The following CDH13 variants were observed in gnomAD, a reference collection of about 807,000 sequenced individuals.
The protein encoded by CDH13 is cadherin 13, also known as cadherin-13.
In CDH13, 24 loss-of-function variants were observed where a neutral mutation model predicts 63.8. The observed-to-expected ratio is 0.38, with a 90% CI of 0.27 to 0.53. The LOEUF (loss-of-function observed/expected upper bound fraction) is 0.53, where lower values mean the gene tolerates loss of function less well. Among genes scored for constraint, CDH13 ranks in the 20% least tolerant of loss-of-function variants. The pLI is 0.85. For missense variants in CDH13, 1,049 were observed against 903.1 expected (o/e 1.16, Z -2.07); for synonymous variants, 503 against 355.3 (o/e 1.42, Z -4.67).
chr16:83,109,719 C>T (rs540340304), intron 3 of CDH13, among the ~76,000 whole-genome samples: 5 of 152,230 alleles, frequency 3.3e-5, no homozygotes, highest in South Asian at 2.1e-4. Context: ...ACCTGTAGAG[C>T]GCTGCAAGAT....
chr16:82,701,531 T>C (rs958085195), intron 1 of CDH13, among the ~76,000 whole-genome samples: 2 of 152,192 alleles, frequency 1.3e-5, no homozygotes, highest in African/African-American at 4.8e-5. Flanking sequence ...CTGGAGTTGA[T>C]TTAGCTTTCA....
intron 4 of CDH13, among the ~76,000 whole-genome samples, chr16:83,187,234 G>A (rs2038554382): frequency 6.6e-6 from 1 of 152,184 alleles, no homozygotes; most frequent in South Asian, 2.1e-4. Context: ...GCTTCCCAGA[G>A]TCTGGAATTA....
At chr16:83,018,144 C>G (rs955620201) in intron 2 of CDH13, among the ~76,000 whole-genome samples, 6 of 152,154 alleles carry the variant, frequency 3.9e-5, no homozygotes, top group African/African-American at 1.4e-4. Context: ...TAAACCTTTG[C>G]ACTATGGGTG....
At chr16:82,858,547 C>G in intron 2 of CDH13, 74 bp downstream of exon 2, 1 of 939,074 alleles carries the variant, frequency 1.1e-6, no homozygotes, top group Non-Finnish European at 1.7e-6. Flanking sequence ...GACTGTGTCT[C>G]AGGATGTGGT....
At chr16:83,310,529 C>A (rs1326547695) in intron 5 of CDH13, among the ~76,000 whole-genome samples, 1 of 152,182 alleles carries the variant, frequency 6.6e-6, no homozygotes, top group Non-Finnish European at 1.5e-5. Context: ...GGTCCACACT[C>A]CTTAGCTAAA....
chr16:82,851,047 G>T (rs1053483934), intron 1 of CDH13, among the ~76,000 whole-genome samples: 1 of 152,186 alleles, frequency 6.6e-6, no homozygotes, highest in Non-Finnish European at 1.5e-5. Context: ...AGGGATGCCT[G>T]TACATGCAGC....
chr16:83,178,220 C>T (rs1001337263), intron 4 of CDH13, among the ~76,000 whole-genome samples: 10 of 152,090 alleles, frequency 6.6e-5, no homozygotes, highest in Admixed American at 5.2e-4. Context: ...TGTGGGAGGC[C>T]GTCCTGTGCT....
rs559683202 is a variant in CDH13 at position 82,812,855 on chromosome 16, C to T, written c.46-45507C>T. 8.0e-5 allele frequency among the ~76,000 whole-genome samples: 11 copies of T among 138,292 alleles called. No homozygotes were observed. The East Asian group carries it at 2.3e-3, about 28-fold the overall frequency. 90.7% of individuals were successfully genotyped at this position (138,292 alleles called of 152,430 possible). On this transcript the variant is annotated intron_variant, in intron 1 of 13. Coordinates refer to ENST00000567109, the MANE Select transcript of CDH13 (RefSeq NM_001257.5). ...CCTTCCTTCCTCCCTTCTTTCCTCCCTTCTTTCCTGTAGGAGATACTTTCT... is the reference window on the plus strand; with the variant it reads ...CCTTCCTTCCTCCCTTCTTTCCTCCTTTCTTTCCTGTAGGAGATACTTTCT...
rs369909664 is a variant in CDH13, at chr16:82,700,783, T to C, written c.45+73646T>C. ...ATGTTCCTGACAGGATGCATTTTAATTGTTTTCTGGTATGACTTCCCAATA... is the reference window on the plus strand; with the variant it reads ...ATGTTCCTGACAGGATGCATTTTAACTGTTTTCTGGTATGACTTCCCAATA... On this transcript the variant is annotated intron_variant, in intron 1 of 13. Coordinates refer to ENST00000567109, the MANE Select transcript of CDH13 (RefSeq NM_001257.5). 3.9e-5 allele frequency among the ~76,000 whole-genome samples: 6 copies of C among 152,272 alleles called. No individual in the cohort carries two copies. In the East Asian group the frequency reaches 1.2e-3, roughly 29 times the overall value.
chr16:82,772,128 G>T (rs923545257), intron 1 of CDH13, among the ~76,000 whole-genome samples: 2 of 152,136 alleles, frequency 1.3e-5, no homozygotes, highest in African/African-American at 4.8e-5. Flanking sequence ...ATGTTAAATT[G>T]TTAGGAATTT....
intron 5 of CDH13, among the ~76,000 whole-genome samples, chr16:83,220,055 A>G (rs966673160): frequency 1.3e-5 from 2 of 152,136 alleles, no homozygotes; most frequent in Admixed American, 6.5e-5. Flanking sequence ...GTTACTTACG[A>G]CTGGCAGACT....
intron 7 of CDH13, among the ~76,000 whole-genome samples, chr16:83,564,395 ACT>A (rs1367818746): frequency 1.1e-4 from 11 of 103,368 alleles, no homozygotes; most frequent in Non-Finnish European, 1.6e-4. Flanking sequence ...ATATGGGATG[ACT>A]CTTTTTTTTT....
intron 4 of CDH13, among the ~76,000 whole-genome samples, chr16:83,199,995 G>A (rs2038978939): frequency 6.6e-6 from 1 of 152,176 alleles, no homozygotes. Flanking sequence ...GAATGAAGAC[G>A]AATCCTTGCT....
intron 4 of CDH13, among the ~76,000 whole-genome samples, chr16:83,164,260 G>T (rs906505976): frequency 1.3e-5 from 2 of 151,956 alleles, no homozygotes; most frequent in African/African-American, 2.4e-5. Flanking sequence ...AACACTGAAG[G>T]TTGGACAGAT....
At chr16:83,095,304 G>A (rs1490676081) in intron 3 of CDH13, among the ~76,000 whole-genome samples, 1 of 152,072 alleles carries the variant, frequency 6.6e-6, no homozygotes. Flanking sequence ...TATCAACATG[G>A]TACTGGTGTA....
chr16:83,657,337 T>TC (rs1328233169), intron 8 of CDH13, among the ~76,000 whole-genome samples: 1 of 152,094 alleles, frequency 6.6e-6, no homozygotes, highest in Non-Finnish European at 1.5e-5. Context: ...AAACAAGGTG[T>TC]CCCCCATAGA....
intron 1 of CDH13, among the ~76,000 whole-genome samples, chr16:82,668,582 G>T (rs1448719311): frequency 6.6e-6 from 1 of 152,152 alleles, no homozygotes; most frequent in Admixed American, 6.5e-5. Flanking sequence ...CACCTGAGAT[G>T]GTGTGAACAA....
At chr16:83,020,854 A>C (rs1180177746) in intron 2 of CDH13, among the ~76,000 whole-genome samples, 1 of 152,212 alleles carries the variant, frequency 6.6e-6, no homozygotes, top group African/African-American at 2.4e-5. Context: ...CAGGGTCTGA[A>C]TCCCAATTTA....
chr16:83,387,703 CT>C (rs1164259386), intron 6 of CDH13, among the ~76,000 whole-genome samples: 1 of 152,196 alleles, frequency 6.6e-6, no homozygotes, highest in African/African-American at 2.4e-5. Context: ...TTGAGAATGT[CT>C]GCCTTATGAA....
Sources: gnomAD v4.1 joint callset for allele counts (sites outside exome capture counted in the v4.1 genomes callset) on GRCh38, gnomAD v4.1.1 for gene constraint, MANE v1.5 for transcripts, NCBI Gene and HGNC (gene_info 2026-07-23, HGNC 2026-07-21) for gene names.